SGCZ: variants seen among roughly 807,000 people sequenced by gnomAD.
SGCZ encodes the protein zeta-sarcoglycan.
Under a neutral mutation model 41.3 loss-of-function variants are expected in SGCZ, and 40 were observed. The ratio of observed to expected loss-of-function variants is 0.97; its 90% CI spans 0.75 to 1.26. SGCZ has a LOEUF of 1.26. Among genes scored for constraint, SGCZ ranks in the 50% most tolerant of loss-of-function variants. SGCZ has a pLI of 0.00. For missense variants in SGCZ, 552 were observed against 369.8 expected (o/e 1.49, Z -4.04); for synonymous variants, 206 against 137.5 (o/e 1.50, Z -3.49).
intron 1 of SGCZ, among the ~76,000 whole-genome samples, chr8:14,711,902 C>G (rs1809531369): frequency 6.6e-6 from 1 of 152,122 alleles, no homozygotes; most frequent in Non-Finnish European, 1.5e-5. Flanking sequence ...GCAACTCCAG[C>G]CTCTCAGGTT....
chr8:15,206,371 T>G (rs1218539450), intron 1 of SGCZ, among the ~76,000 whole-genome samples: 3 of 151,838 alleles, frequency 2.0e-5, no homozygotes, highest in Non-Finnish European at 4.4e-5. Flanking sequence ...AGTAGTGACT[T>G]ACCCAATTAG....
intron 2 of SGCZ, among the ~76,000 whole-genome samples, chr8:14,535,114 T>C (rs191354485): frequency 2.6e-4 from 39 of 152,128 alleles, no homozygotes; most frequent in African/African-American, 8.4e-4. Context: ...AAACATTTGA[T>C]TCAACTAAAG....
chr8:14,983,611 C>G (rs540376788), intron 1 of SGCZ, among the ~76,000 whole-genome samples: 9 of 152,196 alleles, frequency 5.9e-5, no homozygotes, highest in Admixed American at 2.6e-4. Context: ...TCTCAAGGTG[C>G]TAGGATTACA....
chr8:15,217,618 C>A (rs1801451578), intron 1 of SGCZ, among the ~76,000 whole-genome samples: 2 of 152,150 alleles, frequency 1.3e-5, no homozygotes, highest in South Asian at 4.1e-4. Context: ...GTGGAAGGGA[C>A]GAGACTGGCG....
At chr8:14,640,831 C>T (rs1807000390) in intron 1 of SGCZ, among the ~76,000 whole-genome samples, 1 of 151,616 alleles carries the variant, frequency 6.6e-6, no homozygotes, top group Admixed American at 6.6e-5. Context: ...GCTGGAGCCC[C>T]TGCAAGTTCT....
intron 7 of SGCZ, among the ~76,000 whole-genome samples, chr8:14,098,676 G>C (rs1367899786): frequency 6.6e-6 from 1 of 152,144 alleles, no homozygotes; most frequent in Non-Finnish European, 1.5e-5. Context: ...TTAAAAGCTG[G>C]TGTTTTGGAT....
At chr8:14,655,010 T>C (rs1187380947) in intron 1 of SGCZ, among the ~76,000 whole-genome samples, 2 of 152,078 alleles carry the variant, frequency 1.3e-5, no homozygotes, top group East Asian at 1.9e-4. Flanking sequence ...ATTAGGTGTA[T>C]ATTTCAGGAA....
intron 1 of SGCZ, among the ~76,000 whole-genome samples, chr8:14,590,803 G>T (rs1360885583): frequency 2.0e-5 from 3 of 146,736 alleles, no homozygotes; most frequent in Non-Finnish European, 4.5e-5. Flanking sequence ...TAATATATAT[G>T]AATATATGAT....
intron 1 of SGCZ, among the ~76,000 whole-genome samples, chr8:14,829,238 A>G (rs1802443438): frequency 6.6e-6 from 1 of 152,204 alleles, no homozygotes; most frequent in Non-Finnish European, 1.5e-5. Context: ...GTTGCCGTCT[A>G]TATATCCATG....
At position 14,516,743 on chromosome 8, in the gene SGCZ, A is replaced by G. The variant is rs1326943801; in HGVS notation, c.234+37989T>C. Among the ~76,000 whole-genome samples, 5 of 152,116 alleles carry G rather than the reference A, an allele frequency of 3.3e-5. No individual in the cohort carries two copies. In the East Asian group the frequency reaches 9.7e-4, roughly 29 times the overall value. On this transcript the variant is annotated intron_variant, in intron 2 of 7. Coordinates refer to ENST00000382080, the MANE Select transcript of SGCZ (RefSeq NM_139167.4). ...CATGCGTCTTTCATCATTAGCTGCT[A>G]TGGAGACTGGGAACACCTTTTGAAA...
intron 5 of SGCZ, among the ~76,000 whole-genome samples, chr8:14,158,910 A>G (rs1803958877): frequency 6.6e-6 from 1 of 151,900 alleles, no homozygotes; most frequent in South Asian, 2.1e-4. Context: ...CTGGGACTAC[A>G]GGTGCCCACC....
At chr8:14,938,591 G>C (rs975470451) in intron 1 of SGCZ, among the ~76,000 whole-genome samples, 1 of 152,086 alleles carries the variant, frequency 6.6e-6, no homozygotes, top group Non-Finnish European at 1.5e-5. Context: ...TATTGGTAAA[G>C]CTTCTAGTCA....
At chr8:14,942,021 A>G (rs923686927) in intron 1 of SGCZ, among the ~76,000 whole-genome samples, 3 of 152,020 alleles carry the variant, frequency 2.0e-5, no homozygotes, top group Non-Finnish European at 4.4e-5. Context: ...TAGCCCAACA[A>G]TTGGGCTATT....
intron 2 of SGCZ, among the ~76,000 whole-genome samples, chr8:14,443,832 G>C (rs1373278888): frequency 6.6e-6 from 1 of 152,106 alleles, no homozygotes; most frequent in Non-Finnish European, 1.5e-5. Flanking sequence ...AAACTAAAGA[G>C]CTTCTGCACA....
intron 1 of SGCZ, among the ~76,000 whole-genome samples, chr8:14,895,448 G>A (rs1371382372): frequency 6.6e-6 from 1 of 151,954 alleles, no homozygotes; most frequent in East Asian, 1.9e-4. Context: ...TACTCTCCTG[G>A]AAATCTTATC....
intron 2 of SGCZ, among the ~76,000 whole-genome samples, chr8:14,528,390 G>A (rs573794457): frequency 7.2e-5 from 11 of 152,156 alleles, no homozygotes; most frequent in East Asian, 1.9e-4. Context: ...ATATGTATGC[G>A]TGTTCACATC....
chr8:14,585,688 A>G (rs938608452), intron 1 of SGCZ, among the ~76,000 whole-genome samples: 3 of 152,186 alleles, frequency 2.0e-5, no homozygotes, highest in African/African-American at 7.2e-5. Flanking sequence ...TTAATGTTAC[A>G]GAGTTCAAAC....
chr8:14,614,451 CAT>C (rs1042879154), intron 1 of SGCZ, among the ~76,000 whole-genome samples: 32 of 152,108 alleles, frequency 2.1e-4, no homozygotes, highest in Admixed American at 4.6e-4. Flanking sequence ...ACAGGGTACA[CAT>C]GATTGTATTT....
At chr8:14,515,123 G>T (rs1802583527) in intron 2 of SGCZ, among the ~76,000 whole-genome samples, 1 of 151,840 alleles carries the variant, frequency 6.6e-6, no homozygotes, top group Non-Finnish European at 1.5e-5. Flanking sequence ...CCAGCTCTAG[G>T]TTAAGACACC....
Sources: gnomAD v4.1 joint callset for allele counts (sites outside exome capture counted in the v4.1 genomes callset) on GRCh38, gnomAD v4.1.1 for gene constraint, MANE v1.5 for transcripts, NCBI Gene and HGNC (gene_info 2026-07-23, HGNC 2026-07-21) for gene names.